BLTP3A: variants seen among roughly 807,000 people sequenced by gnomAD.
BLTP3A encodes the protein bridge-like lipid transfer protein family member 3A.
the BLTP3A span, among the ~76,000 whole-genome samples, chr6:34,815,263 G>A: frequency 6.6e-6 from 1 of 152,006 alleles, no homozygotes; most frequent in African/African-American, 2.4e-5. Context: ...TTGTTTGTTT[G>A]TTTTGAGACA....
chr6:34,856,544 T>G, the BLTP3A span: 21 of 1,251,116 alleles, frequency 1.7e-5, no homozygotes, highest in Non-Finnish European at 5.5e-6. Flanking sequence ...GACTTTTTTC[T>G]TTACAGAGAC....
chr6:34,821,633 C>T, the BLTP3A span: 2 of 1,587,860 alleles, frequency 1.3e-6, no homozygotes, highest in African/African-American at 2.7e-5. Context: ...ATAATAGCTT[C>T]TTATCATTAC....
the BLTP3A span, among the ~76,000 whole-genome samples, chr6:34,804,207 G>A: frequency 6.6e-6 from 1 of 152,144 alleles, no homozygotes; most frequent in Admixed American, 6.6e-5. Flanking sequence ...TAGTGTCTTA[G>A]CTCTTCCTGG....
At chr6:34,819,563 G>A in the BLTP3A span, among the ~76,000 whole-genome samples, 2 of 152,262 alleles carry the variant, frequency 1.3e-5, no homozygotes, top group South Asian at 4.2e-4. Flanking sequence ...AATTGAGCAG[G>A]GGTGGTTATA....
the BLTP3A span, among the ~76,000 whole-genome samples, chr6:34,803,510 T>C: frequency 9.2e-5 from 14 of 152,104 alleles, no homozygotes; most frequent in African/African-American, 3.1e-4. Context: ...CTCAAATCTT[T>C]AGGATATAAG....
the BLTP3A span, among the ~76,000 whole-genome samples, chr6:34,798,594 C>CTTTTTTTTTTTTTTTT: frequency 3.3e-3 from 307 of 94,422 alleles, 1 homozygote; most frequent in East Asian, 7.4e-3. Flanking sequence ...TTCTTTCTTT[C>CTTTTTTTTTTTTTTTT]TTTTTTTTTT....
chr6:34,796,023 C>T, the BLTP3A span, among the ~76,000 whole-genome samples: 4 of 152,208 alleles, frequency 2.6e-5, no homozygotes, highest in African/African-American at 4.8e-5. Context: ...TTACCACATA[C>T]AGGCTAGCCT....
chr6:34,857,657 T>A, the BLTP3A span: 92 of 1,505,352 alleles, frequency 6.1e-5, no homozygotes, highest in Middle Eastern at 1.5e-3. Flanking sequence ...ATATAGTTAA[T>A]ATTAGGTAGT....
At chr6:34,854,892 GACAAT>G in the BLTP3A span, among the ~76,000 whole-genome samples, 2 of 152,150 alleles carry the variant, frequency 1.3e-5, no homozygotes, top group Non-Finnish European at 1.5e-5. Context: ...GGGTGACCCA[GACAAT>G]ACACACATGC....
chr6:34,861,865 A>G, the BLTP3A span, among the ~76,000 whole-genome samples: 1 of 152,218 alleles, frequency 6.6e-6, no homozygotes, highest in Non-Finnish European at 1.5e-5. Flanking sequence ...GGTTATAAGC[A>G]TAAGCCACTT....
chr6:34,859,444 A>C, the BLTP3A span: 2 of 1,614,080 alleles, frequency 1.2e-6, no homozygotes, highest in African/African-American at 2.7e-5. Context: ...GGATGCCACC[A>C]AGGAGGCTCT....
chr6:34,872,264 G>A, the BLTP3A span: 1 of 1,558,462 alleles, frequency 6.4e-7, no homozygotes, highest in Non-Finnish European at 8.6e-7. Context: ...GGCGGTTGTT[G>A]CAAGATGGTA....
chr6:34,843,230 T>C, the BLTP3A span, among the ~76,000 whole-genome samples: 3 of 152,178 alleles, frequency 2.0e-5, no homozygotes, highest in South Asian at 4.1e-4. Context: ...GCAATCCTTC[T>C]GCCTTGGCCT....
the BLTP3A span, among the ~76,000 whole-genome samples, chr6:34,829,513 T>C: frequency 6.6e-6 from 1 of 152,216 alleles, no homozygotes; most frequent in African/African-American, 2.4e-5. Flanking sequence ...ACATTATGTT[T>C]GTGAGAGACA....
the BLTP3A span, chr6:34,792,140 G>A: frequency 4.0e-6 from 4 of 991,800 alleles, no homozygotes; most frequent in Non-Finnish European, 5.5e-6. Flanking sequence ...GGCGGCGGCG[G>A]CTGTGTCCGG....
At chr6:34,797,073 C>T in the BLTP3A span, among the ~76,000 whole-genome samples, 58 of 151,890 alleles carry the variant, frequency 3.8e-4, no homozygotes, top group African/African-American at 9.9e-4. Context: ...TTTTTTTTGG[C>T]GCATTGGGGA....
At chr6:34,859,582 C>T in the BLTP3A span, 13 of 1,612,720 alleles carry the variant, frequency 8.1e-6, no homozygotes, top group South Asian at 1.3e-4. Flanking sequence ...GTAAGTGGCT[C>T]TGTACCTCCT....
At chr6:34,864,199 G>A in the BLTP3A span, 1 of 1,612,238 alleles carries the variant, frequency 6.2e-7, no homozygotes. Flanking sequence ...TTGGAGTCTG[G>A]TATGTGGGAG....
At chr6:34,823,876 G>A in the BLTP3A span, among the ~76,000 whole-genome samples, 1 of 151,830 alleles carries the variant, frequency 6.6e-6, no homozygotes, top group Non-Finnish European at 1.5e-5. Flanking sequence ...TTGTGTATGT[G>A]TATGTATGTG....
Sources: gnomAD v4.1 joint callset for allele counts (sites outside exome capture counted in the v4.1 genomes callset) on GRCh38, gnomAD v4.1.1 for gene constraint, MANE v1.5 for transcripts, NCBI Gene and HGNC (gene_info 2026-07-23, HGNC 2026-07-21) for gene names.